Variants in KIF1B observed in about 807,000 individuals in gnomAD.
The protein encoded by KIF1B is kinesin-like protein KIF1B.
KIF1B carries 76 observed loss-of-function variants against 241.9 expected under a neutral mutation model. The ratio of observed to expected loss-of-function variants is 0.31; its 90% CI spans 0.26 to 0.38. The LOEUF (loss-of-function observed/expected upper bound fraction) is 0.38, where lower values mean the gene tolerates loss of function less well. Among genes scored for constraint, KIF1B ranks in the 10% least tolerant of loss-of-function variants. KIF1B has a pLI of 1.00. For missense variants in KIF1B, 1,622 were observed against 2,271.4 expected (o/e 0.71, Z 5.81); for synonymous variants, 750 against 796.7 (o/e 0.94, Z 0.99).
intron 2 of KIF1B, among the ~76,000 whole-genome samples, chr1:10,241,635 T>C (rs1647138109): frequency 1.3e-5 from 2 of 152,242 alleles, no homozygotes; most frequent in Non-Finnish European, 2.9e-5. Context: ...TCTTTCTTTG[T>C]GCTTTGCATG....
intron 22 of KIF1B, chr1:10,304,856 G>A: frequency 3.5e-6 from 5 of 1,411,610 alleles, no homozygotes; most frequent in Non-Finnish European, 4.6e-6. Context: ...TGAAATTTTG[G>A]ATAAAGCATC....
rs1462863753 is a variant in KIF1B at position 10,352,727 on chromosome 1, A to C, written c.4046A>C (p.Asn1349Thr). The C allele has an allele frequency of 6.2e-7, 1 of 1,611,604 alleles. No homozygotes were observed. The highest frequency in any genetic ancestry group is 8.5e-7 in the Non-Finnish European group (1 of 1,177,884). Residue 1349 changes from asparagine to threonine, a missense_variant, in exon 38 of 49, where the codon AAC becomes ACC. Physicochemically the swap from Asn to Thr is moderately conservative, Grantham distance 65. Transcript: ENST00000676179. ...GCCAAGTACCTGAAGTCTTCCCACAACTCTAGCAGGTGGGACACCCAGAGC... is the reference window on the plus strand; with the variant it reads ...GCCAAGTACCTGAAGTCTTCCCACACCTCTAGCAGGTGGGACACCCAGAGC... ...ISAKYLKSSHNSSRTFYRFEA... is the reference protein window; with the variant it reads ...ISAKYLKSSHTSSRTFYRFEA...
rs896250741 is a variant in KIF1B at position 10,377,298 on chromosome 1, C to T, written c.*711C>T. On this transcript the variant is annotated 3_prime_UTR_variant, in exon 49 of 49. Transcript: ENST00000676179. ...TTTTTATTTACTGGTAGAGAGGAGA[C>T]GAGAGGCTTTTTCAGTGGGCCTGGG... The T allele has an allele frequency of 3.5e-5, 8 of 228,298 alleles. No individual in the cohort carries two copies. The highest frequency in any genetic ancestry group is 7.0e-5 in the Non-Finnish European group (8 of 114,846). The allele number at this position is 228,298 out of a possible 1,614,324, so 14.1% of individuals were successfully genotyped here.
rs1301112834 is a variant in KIF1B at position 10,326,822 on chromosome 1, G to A, written c.2924+463G>A. 6.6e-6 allele frequency among the ~76,000 whole-genome samples: 1 copy of A among 152,158 alleles called. No homozygotes were observed. Among genetic ancestry groups the A allele is most frequent in the Non-Finnish European group, 1.5e-5 (1 of 68,028 alleles). On this transcript the variant is annotated intron_variant, in intron 27 of 48. Coordinates refer to ENST00000676179, the MANE Select transcript of KIF1B (RefSeq NM_001365951.3). The surrounding 1 kb of genome is among the most constrained non-coding windows in gnomAD (Gnocchi z 5.2). ...GGCTGAAGAATTTGTGGTACTGCAG[G>A]AGTCAGAGGACAAAAGTAGATTCAG...
At chr1:10,255,300 G>A (rs1322125686) in intron 2 of KIF1B, among the ~76,000 whole-genome samples, 1 of 151,934 alleles carries the variant, frequency 6.6e-6, no homozygotes, top group Non-Finnish European at 1.5e-5. Flanking sequence ...CCTTGAAATA[G>A]TAATGTGGGC....
chr1:10,297,124 A>G (rs755193376), intron 21 of KIF1B, 47 bp downstream of exon 21: 3 of 1,611,248 alleles, frequency 1.9e-6, no homozygotes, highest in African/African-American at 1.3e-5. Flanking sequence ...TCTTTTAAAC[A>G]TGTAATACTA....
chr1:10,329,024 T>C (rs536525998), intron 27 of KIF1B, among the ~76,000 whole-genome samples: 1 of 152,394 alleles, frequency 6.6e-6, no homozygotes, highest in East Asian at 1.9e-4. Context: ...TAACTGAGGA[T>C]ACATGTATTG....
chr1:10,351,786 T>C (rs1652802665), intron 37 of KIF1B, among the ~76,000 whole-genome samples: 1 of 152,010 alleles, frequency 6.6e-6, no homozygotes, highest in Non-Finnish European at 1.5e-5. Flanking sequence ...AGCGACATAG[T>C]GGGGCCCCGT....
chr1:10,337,050 T>G lies in KIF1B; in HGVS notation c.3130-24T>G. 6.2e-7 allele frequency: 1 copy of G among 1,614,162 alleles called. No individual in the cohort carries two copies. Among genetic ancestry groups the G allele is most frequent in the African/African-American group, 1.3e-5 (1 of 75,070 alleles). On this transcript the variant is annotated intron_variant, in intron 29 of 48. Transcript: ENST00000676179. The surrounding 1 kb of genome is among the most constrained non-coding windows in gnomAD (Gnocchi z 4.0). ...TACGTTTTTATACTACTTTACCATG[T>G]ATCTGCCCCTGCCTTTTTTTCAGAG...
Position 10,374,293 on chromosome 1 carries a change from T to C in KIF1B, c.4947-23T>C. 6.2e-7 allele frequency: 1 copy of C among 1,612,166 alleles called. No homozygotes were observed. Among genetic ancestry groups the C allele is most frequent in the South Asian group, 1.1e-5 (1 of 91,036 alleles). On this transcript the variant is annotated intron_variant, in intron 45 of 48. Coordinates refer to ENST00000676179, the MANE Select transcript of KIF1B (RefSeq NM_001365951.3). This position sits in a 1 kb window ranked among gnomAD's most constrained non-coding sequence, Gnocchi z 4.3. ...AACTGATTCTCTTGTTACCCTTTTC[T>C]TTCTAATCTCTCTATTTTAAAGGAC... is the stretch of plus-strand genomic sequence containing the variant.
chr1:10,368,590 C>T (rs2102354571), intron 44 of KIF1B, 52 bp downstream of exon 44: 1 of 1,457,244 alleles, frequency 6.9e-7, no homozygotes, highest in Non-Finnish European at 9.6e-7. Flanking sequence ...CTGATTTCTC[C>T]ACAGCAGCCC....
At chr1:10,357,915 A>G (rs1182339196) in intron 38 of KIF1B, among the ~76,000 whole-genome samples, 1 of 151,716 alleles carries the variant, frequency 6.6e-6, no homozygotes, top group Non-Finnish European at 1.5e-5. Flanking sequence ...AGGCTGAGGC[A>G]GGAGAATCGC....
In KIF1B at chr1:10,276,334, G is replaced by T; in HGVS notation, c.972G>T (p.Arg324=). The T allele has an allele frequency of 6.2e-7, 1 of 1,613,672 alleles. No individual in the cohort carries two copies. ...LLRENLGGNS[R]TAMVAALSPA... is the part of the protein sequence containing the mutation. ...TAATCTTTTTAGGTGGCAATTCTCGGACTGCAATGGTTGCTGCTCTGAGCC... is the reference window on the plus strand; with the variant it reads ...TAATCTTTTTAGGTGGCAATTCTCGTACTGCAATGGTTGCTGCTCTGAGCC... Residue 324 remains arginine, a synonymous_variant, in exon 12 of 49, where the codon CGG becomes CGT. Coordinates refer to ENST00000676179, the MANE Select transcript of KIF1B (RefSeq NM_001365951.3).
At chr1:10,320,162 C>T (rs778109750) in intron 23 of KIF1B, 26 bp downstream of exon 23, 2 of 1,457,386 alleles carry the variant, frequency 1.4e-6, no homozygotes, top group East Asian at 2.3e-5. Context: ...CGAAAGTTTC[C>T]TGTGTATATC....
intron 38 of KIF1B, among the ~76,000 whole-genome samples, chr1:10,356,289 C>A (rs554288987): frequency 6.6e-6 from 1 of 151,914 alleles, no homozygotes; most frequent in Non-Finnish European, 1.5e-5. Flanking sequence ...CGCTTGAACC[C>A]GGGAGGCGGA....
intron 16 of KIF1B, among the ~76,000 whole-genome samples, chr1:10,291,829 C>T (rs919272981): frequency 7.2e-5 from 11 of 151,920 alleles, no homozygotes; most frequent in Non-Finnish European, 1.5e-4. Context: ...GTGAATATAA[C>T]TTTAACAAAG....
chr1:10,291,731 C>G (rs1458398112), intron 16 of KIF1B, among the ~76,000 whole-genome samples: 1 of 151,370 alleles, frequency 6.6e-6, no homozygotes, highest in African/African-American at 2.4e-5. Flanking sequence ...AAAGGAATAG[C>G]CTCTTCTTTT....
chr1:10,237,165 G>C (rs185643351), intron 2 of KIF1B, among the ~76,000 whole-genome samples: 22 of 152,282 alleles, frequency 1.4e-4, no homozygotes, highest in Admixed American at 1.2e-3. Context: ...ACAAATAAAT[G>C]TTACTGTCTT....
chr1:10,308,574 A>G (rs1208027279), intron 22 of KIF1B: 3 of 1,017,134 alleles, frequency 2.9e-6, no homozygotes, highest in East Asian at 1.3e-4. Context: ...ACCTCATTCA[A>G]TAAAAGTTGA....
Sources: allele counts gnomAD v4.1 joint callset (sites outside exome capture counted in the v4.1 genomes callset), GRCh38; gene constraint gnomAD v4.1.1; non-coding constraint Gnocchi (gnomAD v3.1); transcripts MANE v1.5; gene names NCBI Gene and HGNC (gene_info 2026-07-23, HGNC 2026-07-21).